The following CCDC30 variants were observed in gnomAD, a reference collection of about 807,000 sequenced individuals.
CCDC30 encodes coiled-coil domain containing 30.
In CCDC30, 70 loss-of-function variants were observed where a neutral mutation model predicts 100.2. The ratio of observed to expected loss-of-function variants is 0.70; its 90% CI spans 0.58 to 0.85. The LOEUF (loss-of-function observed/expected upper bound fraction) is 0.85. CCDC30 is among the 40% of genes least tolerant of loss of function. The pLI, the probability that CCDC30 is intolerant of heterozygous loss-of-function variation, is 0.00. For synonymous variants in CCDC30, 233 were observed against 269.5 expected, an observed-to-expected ratio of 0.86 and a Z score of 1.33; for missense variants, 652 against 771.2, an observed-to-expected ratio of 0.85 and a Z score of 1.83.
chr1:42,530,336 T>G (rs1335625176), intron 6 of CCDC30, among the ~76,000 whole-genome samples: 1 of 152,188 alleles, frequency 6.6e-6, no homozygotes, highest in Non-Finnish European at 1.5e-5. Context: ...ATTTTTATTA[T>G]TATTGTTGCT....
rs189597666 is a variant in CCDC30 at position 42,608,215 on chromosome 1, C to A, written c.1165-2763C>A. Among the ~76,000 whole-genome samples the A allele has an allele frequency of 1.3e-3, 196 of 152,298 alleles. 1 individual carries two copies. Among genetic ancestry groups the A allele is most frequent in the African/African-American group, 4.6e-3 (190 of 41,554 alleles). On this transcript the variant is annotated intron_variant, in intron 10 of 16. Transcript: ENST00000668663. ...AGGGGTCATAAGGCCCTTTAAGGCT[C>A]ATCACACACGGTACTCTATGGAAAG...
chr1:42,593,790 AAC>A (rs1303677871), intron 10 of CCDC30: 1 of 152,416 alleles, frequency 6.6e-6, no homozygotes, highest in Non-Finnish European at 1.5e-5. Context: ...ATACCACAGT[AAC>A]ACAAGAAAAA....
intron 7 of CCDC30, among the ~76,000 whole-genome samples, chr1:42,569,753 A>T (rs1161627591): frequency 6.6e-6 from 1 of 152,232 alleles, no homozygotes; most frequent in African/African-American, 2.4e-5. Context: ...TAGACTGGAT[A>T]AAGAAAATGT....
intron 2 of CCDC30, among the ~76,000 whole-genome samples, chr1:42,481,136 G>T (rs1643950514): frequency 6.6e-6 from 1 of 150,960 alleles, no homozygotes; most frequent in Non-Finnish European, 1.5e-5. Flanking sequence ...GAGTCATGCT[G>T]TAAGAATTAT....
chr1:42,648,392 C>T (rs578101585), intron 15 of CCDC30, among the ~76,000 whole-genome samples: 4 of 152,156 alleles, frequency 2.6e-5, no homozygotes, highest in Admixed American at 6.5e-5. Flanking sequence ...TAGAGCAGGC[C>T]GGGCGCAGTG....
chr1:42,562,751 A>G (rs1645518484), intron 6 of CCDC30, among the ~76,000 whole-genome samples: 1 of 152,214 alleles, frequency 6.6e-6, no homozygotes, highest in Admixed American at 6.5e-5. Flanking sequence ...GAACTTAAAC[A>G]TATTTACAAG....
At chr1:42,466,045 T>C (rs992112170) in intron 1 of CCDC30, among the ~76,000 whole-genome samples, 9 of 152,374 alleles carry the variant, frequency 5.9e-5, no homozygotes, top group Admixed American at 1.3e-4. Flanking sequence ...TAATTTTATT[T>C]GGGAATTGAA....
upstream of CCDC30, chr1:42,459,763 ATATCCT>A: frequency 6.2e-7 from 1 of 1,614,230 alleles, no homozygotes; most frequent in Non-Finnish European, 8.5e-7. Context: ...GTGGTGGCTA[ATATCCT>A]TGAGTCACGA....
intron 6 of CCDC30, chr1:42,545,559 G>A (rs2148534645): frequency 6.2e-7 from 1 of 1,605,176 alleles, no homozygotes; most frequent in South Asian, 1.1e-5. Flanking sequence ...AAAGCCGAAA[G>A]GAAGAGACAG....
At chr1:42,577,845 T>G (rs1645874067) in intron 8 of CCDC30, among the ~76,000 whole-genome samples, 1 of 152,122 alleles carries the variant, frequency 6.6e-6, no homozygotes. Flanking sequence ...TTTCACCGTG[T>G]TAGCCAGGGT....
chr1:42,589,656 G>A (rs970021570), intron 10 of CCDC30, 173 bp downstream of exon 14: 12 of 553,036 alleles, frequency 2.2e-5, no homozygotes, highest in Non-Finnish European at 3.4e-5. Context: ...CAGGGAATAA[G>A]AGCTTACAAA....
chr1:42,512,065 T>C (rs911081006), intron 6 of CCDC30, among the ~76,000 whole-genome samples: 1 of 152,218 alleles, frequency 6.6e-6, no homozygotes, highest in Non-Finnish European at 1.5e-5. Context: ...AACAAAGGGA[T>C]GGGCCGAAAT....
intron 10 of CCDC30, among the ~76,000 whole-genome samples, chr1:42,603,133 G>C (rs1490481225): frequency 6.6e-6 from 1 of 152,206 alleles, no homozygotes; most frequent in East Asian, 1.9e-4. Flanking sequence ...CAGTCCTAGA[G>C]GTTGGGAAGT....
At chr1:42,611,866 CAG>C (rs1346786743) in intron 11 of CCDC30, among the ~76,000 whole-genome samples, 1 of 152,042 alleles carries the variant, frequency 6.6e-6, no homozygotes, top group East Asian at 1.9e-4. Context: ...TTTATAGAGA[CAG>C]GGGTCTCACT....
chr1:42,642,167 A>C (rs928688126), intron 12 of CCDC30, among the ~76,000 whole-genome samples: 1 of 152,108 alleles, frequency 6.6e-6, no homozygotes, highest in Non-Finnish European at 1.5e-5. Flanking sequence ...TGGAGCTTGC[A>C]GTGAGCAGAG....
intron 4 of CCDC30, among the ~76,000 whole-genome samples, chr1:42,496,159 G>A (rs1217465464): frequency 1.5e-5 from 2 of 132,886 alleles, no homozygotes; most frequent in East Asian, 4.4e-4. Flanking sequence ...GTGTGTGTGT[G>A]TACTCACAGG....
chr1:42,536,587 A>T lies in CCDC30; in HGVS notation c.457-29709A>T, dbSNP rs368470353. 1.2e-5 allele frequency: 19 copies of T among 1,608,344 alleles called. No individual in the cohort carries two copies. In the African/African-American group the frequency reaches 2.5e-4, roughly 21 times the overall value. On this transcript the variant is annotated intron_variant, in intron 6 of 16. Transcript: ENST00000668663. ...TCTTGACACTGCAGAGAAGGCCTTG[A>T]AAGTTGAAAGTGAGGTATTACCATT...
intron 13 of CCDC30, among the ~76,000 whole-genome samples, chr1:42,644,095 A>G (rs1447449104): frequency 6.6e-6 from 1 of 152,230 alleles, no homozygotes; most frequent in Admixed American, 6.5e-5. Context: ...TTAGAGGAAA[A>G]GAACAGAATA....
At chr1:42,478,624 T>C (rs1437774177) in intron 1 of CCDC30, among the ~76,000 whole-genome samples, 1 of 152,072 alleles carries the variant, frequency 6.6e-6, no homozygotes, top group Non-Finnish European at 1.5e-5. Context: ...CCAGGCATGG[T>C]GGCATGCACT....
Sources: gnomAD v4.1 joint callset for allele counts (sites outside exome capture counted in the v4.1 genomes callset) on GRCh38, gnomAD v4.1.1 for gene constraint, MANE v1.5 for transcripts, NCBI Gene and HGNC (gene_info 2026-07-23, HGNC 2026-07-21) for gene names.